The following RNPEPL1 variants were observed in gnomAD, a reference collection of about 807,000 sequenced individuals.
RNPEPL1 encodes the protein aminopeptidase RNPEPL1.
RNPEPL1 carries 46 observed loss-of-function variants against 69.0 expected under a neutral mutation model. The ratio of observed to expected loss-of-function variants is 0.67; its 90% confidence interval spans 0.53 to 0.85. RNPEPL1 has a LOEUF of 0.85. RNPEPL1 is among the 40% of genes least tolerant of loss of function. RNPEPL1 has a pLI of 0.00. For synonymous variants in RNPEPL1, 525 were observed against 454.1 expected (o/e 1.16, Z -1.98); for missense variants, 869 against 992.5 (o/e 0.88, Z 1.67).
intron 3 of RNPEPL1, 90 bp downstream of exon 3, chr2:240,573,351 G>A: frequency 7.1e-7 from 1 of 1,409,858 alleles, no homozygotes; most frequent in African/African-American, 1.4e-5. Flanking sequence ...CGGCTGCCCT[G>A]CTGAGGACCC....
intron 8 of RNPEPL1, 44 bp from the exon 9 acceptor site, chr2:240,576,491 T>C: frequency 1.9e-6 from 3 of 1,550,662 alleles, no homozygotes; most frequent in Non-Finnish European, 2.6e-6. Context: ...AGGCAGCCCC[T>C]TCCTAGCCTG....
chr2:240,572,703 C>A, intron 2 of RNPEPL1, 140 bp downstream of exon 2: 1 of 1,144,014 alleles, frequency 8.7e-7, no homozygotes. Context: ...GCCCACCCTC[C>A]CTACTCTATG....
intron 1 of RNPEPL1, among the ~76,000 whole-genome samples, chr2:240,569,912 G>A (rs1458219708): frequency 6.6e-6 from 1 of 152,212 alleles, no homozygotes; most frequent in African/African-American, 2.4e-5. Flanking sequence ...TGGTCGAGAG[G>A]CTTCAGGCCA....
At chr2:240,573,027 G>C in intron 2 of RNPEPL1, 83 bp from the exon 3 acceptor site, 1 of 1,428,156 alleles carries the variant, frequency 7.0e-7, no homozygotes. Flanking sequence ...CTACGAATAT[G>C]GGGCTGCCTG....
rs11557337 is a variant in RNPEPL1, at chr2:240,574,555, C to A, written c.1215C>A (p.Asp405Glu). ...FTCLETAFRLDALHRQMKLLG... is the reference protein window; with the variant it reads ...FTCLETAFRLEALHRQMKLLG... ...GCCTGGAGACTGCCTTCCGCCTGGA[C>A]GCCCTGCACCGGCAGATGAAGCTTC... The change falls in exon 6 of 11, where the codon GAC becomes GAA. Residue 405 changes from aspartate (D) to glutamate (E), a missense_variant. Transcript: ENST00000270357. 4.3e-6 allele frequency: 7 copies of A among 1,612,796 alleles called. No individual in the cohort carries two copies. The Admixed American group carries it at 6.7e-5, about 15-fold the overall frequency.
Position 240,568,724 on chromosome 2 carries a change from G to A in RNPEPL1, c.138G>A (p.Leu46=). The change falls in exon 1 of 11, where the codon CTG becomes CTA. Residue 46 remains leucine (L), a synonymous_variant. Coordinates refer to ENST00000270357, the MANE Select transcript of RNPEPL1 (RefSeq NM_018226.6). This position sits in a 1 kb window ranked among gnomAD's most constrained non-coding sequence, Gnocchi z 6.2. ...TCTTCCGCCTCCGCCACCTGCAGCT[G>A]GGCCTGGAGCTGCGGCCCGAGGCGC... ...AQLFRLRHLQ[L]GLELRPEARE... 1 of 1,075,584 alleles carries A rather than the reference G, an allele frequency of 9.3e-7. No individual in the cohort carries two copies. The highest frequency in any genetic ancestry group is 1.1e-6 in the Non-Finnish European group (1 of 882,426). 66.6% of individuals were successfully genotyped at this position (1,075,584 alleles called of 1,614,324 possible).
chr2:240,573,019 A>C, intron 2 of RNPEPL1, 91 bp from the exon 3 acceptor site: 1 of 1,399,144 alleles, frequency 7.1e-7, no homozygotes, highest in East Asian at 2.5e-5. Context: ...GTTTCCTGCT[A>C]CGAATATGGG....
chr2:240,574,811 G>A (rs1276381391), intron 6 of RNPEPL1, 183 bp downstream of exon 6: 13 of 662,782 alleles, frequency 2.0e-5, no homozygotes, highest in Non-Finnish European at 2.9e-5. Flanking sequence ...AGCCACCGCC[G>A]CTTCCCTGGC....
rs2093039137 is a variant in RNPEPL1, at chr2:240,576,832, G to GC, written c.1742-11dup. 3.7e-6 allele frequency: 6 copies of GC among 1,612,938 alleles called. No individual in the cohort carries two copies. Among genetic ancestry groups the GC allele is most frequent in the Non-Finnish European group, 5.1e-6 (6 of 1,179,938 alleles). ...TGCAACAGCGGCCCAGCCCTGACCTGCCCCCTGCGCTGCAGAGGTGGTGAT... is the reference window on the plus strand; with the variant it reads ...TGCAACAGCGGCCCAGCCCTGACCTGCCCCCCTGCGCTGCAGAGGTGGTGAT... On this transcript the variant is annotated splice_polypyrimidine_tract_variant and intron_variant, in intron 9 of 10. Coordinates refer to ENST00000270357, the MANE Select transcript of RNPEPL1 (RefSeq NM_018226.6).
intron 8 of RNPEPL1, 199 bp from the exon 9 acceptor site, chr2:240,576,336 T>C: frequency 1.7e-6 from 1 of 602,686 alleles, no homozygotes; most frequent in South Asian, 2.0e-5. Flanking sequence ...TGCTTCCCTG[T>C]ACCCCTTCAC....
At chr2:240,571,057 G>A (rs2093019842) in intron 1 of RNPEPL1, among the ~76,000 whole-genome samples, 1 of 152,130 alleles carries the variant, frequency 6.6e-6, no homozygotes, top group Non-Finnish European at 1.5e-5. Context: ...GGAGACTCCT[G>A]CAGGGAGGTT....
At position 240,576,911 on chromosome 2, in the gene RNPEPL1, G is replaced by T; in HGVS notation, c.1805G>T (p.Arg602Leu). The change falls in exon 10 of 11, where the codon CGC (arginine) becomes CTC (leucine). Residue 602 changes from arginine (R) to leucine (L), a missense_variant. Physicochemically the swap from Arg to Leu is moderately radical, Grantham distance 102 (BLOSUM62 -2). This residue lies in a region of RNPEPL1 where 610 missense variants were observed against 790.9 expected (regional missense o/e 0.77). Transcript: ENST00000270357. Reference sequence around the variant, plus strand: ...CTGGACTCGATGAACGCTGAGATCCGCATCCGCTGGCTGCAGATTGTGGTC... The same window carrying T: ...CTGGACTCGATGAACGCTGAGATCCTCATCCGCTGGCTGCAGATTGTGGTC... ...SLLDSMNAEI[R>L]IRWLQIVVRN... 1 of 1,613,480 alleles carries T rather than the reference G, an allele frequency of 6.2e-7. No homozygotes were observed. Among genetic ancestry groups the T allele is most frequent in the Non-Finnish European group, 8.5e-7 (1 of 1,179,980 alleles).
At position 240,575,031 on chromosome 2, in the gene RNPEPL1, A is replaced by T. The variant is rs754077464; in HGVS notation, c.1290A>T (p.Gly430=). 6.2e-7 allele frequency: 1 copy of T among 1,612,450 alleles called. No homozygotes were observed. The highest frequency in any genetic ancestry group is 1.1e-5 in the South Asian group (1 of 91,068). ...VSKLQVKLEP[G]VNPSHLMNLF... The stretch of plus-strand genomic sequence containing the variant: ...CCCAGGTGGGTGTTCACCTTGCAGG[A>T]GTGAATCCCAGCCACCTGATGAACC... Residue 430 remains glycine (G), a splice_region_variant and synonymous_variant, in exon 7 of 11, where the codon GGA becomes GGT. Coordinates refer to ENST00000270357, the MANE Select transcript of RNPEPL1 (RefSeq NM_018226.6).
intron 7 of RNPEPL1, 58 bp from the exon 8 acceptor site, chr2:240,575,444 T>G: frequency 6.9e-7 from 1 of 1,446,760 alleles, no homozygotes; most frequent in Non-Finnish European, 9.7e-7. Context: ...AGGCCTCTGG[T>G]GGGGCTGCCT....
rs1231190281 is a variant in RNPEPL1, at chr2:240,578,791, G to A, written c.*899G>A. 1 of 152,814 alleles carries A rather than the reference G, an allele frequency of 6.5e-6. No individual in the cohort carries two copies. Among genetic ancestry groups the A allele is most frequent in the African/African-American group, 2.4e-5 (1 of 41,434 alleles). 9.5% of individuals were successfully genotyped at this position (152,814 alleles called of 1,614,324 possible). On this transcript the variant is annotated 3_prime_UTR_variant, in exon 11 of 11. Transcript: ENST00000270357. ...TGCATCTTCCTGGCTGTGTAGGGTG[G>A]GCTGGCCTGCCGGGACTTGGGGCCT...
In RNPEPL1 at chr2:240,577,642, C is replaced by T. The variant is rs1487171529; in HGVS notation, c.1928C>T (p.Thr643Ile). ...YTIPLYEDLC[T>I]GALKSFALEV... The stretch of plus-strand genomic sequence containing the variant: ...ATCCCGCTGTACGAGGACCTCTGCA[C>T]CGGTGCCCTCAAGTCCTTCGCGCTG... Residue 643 changes from threonine to isoleucine, a missense_variant, in exon 11 of 11, where the codon ACC (threonine) becomes ATC (isoleucine). Thr to Ile is a moderately conservative substitution (Grantham distance 89). Around this residue, in one of 2 missense-constraint regions of RNPEPL1, gnomAD observed 610 missense variants for 790.9 expected, o/e 0.77. Coordinates refer to ENST00000270357, the MANE Select transcript of RNPEPL1 (RefSeq NM_018226.6). 6.2e-7 allele frequency: 1 copy of T among 1,610,742 alleles called. No homozygotes were observed. The highest frequency in any genetic ancestry group is 1.1e-5 in the South Asian group (1 of 90,886).
intron 1 of RNPEPL1, among the ~76,000 whole-genome samples, chr2:240,570,981 A>G (rs1277975343): frequency 6.6e-6 from 1 of 152,168 alleles, no homozygotes; most frequent in Non-Finnish European, 1.5e-5. Context: ...GAAGGGCCTC[A>G]GGAGGGTGAG....
chr2:240,571,670 A>G (rs1281457758), intron 1 of RNPEPL1, among the ~76,000 whole-genome samples: 1 of 151,344 alleles, frequency 6.6e-6, no homozygotes, highest in Non-Finnish European at 1.5e-5. Flanking sequence ...AAGCCTCAAC[A>G]GCTTTGGTGC....
Position 240,576,830 on chromosome 2 carries a change from C to A in RNPEPL1, c.1742-18C>A, listed in dbSNP as rs527562299. ...GGTGCAACAGCGGCCCAGCCCTGAC[C>A]TGCCCCCTGCGCTGCAGAGGTGGTG... is the stretch of plus-strand genomic sequence containing the variant. On this transcript the variant is annotated intron_variant, in intron 9 of 10. Coordinates refer to ENST00000270357, the MANE Select transcript of RNPEPL1 (RefSeq NM_018226.6). The A allele has an allele frequency of 6.2e-7, 1 of 1,612,944 alleles. No individual in the cohort carries two copies. The highest frequency in any genetic ancestry group is 8.5e-7 in the Non-Finnish European group (1 of 1,179,946).
Sources: allele counts gnomAD v4.1 joint callset (sites outside exome capture counted in the v4.1 genomes callset), GRCh38; gene constraint gnomAD v4.1.1; regional missense constraint gnomAD v4.1.1; non-coding constraint Gnocchi (gnomAD v3.1); transcripts MANE v1.5; gene names NCBI Gene and HGNC (gene_info 2026-07-23, HGNC 2026-07-21).